PTPRT: variants seen among roughly 807,000 people sequenced by gnomAD.
PTPRT encodes protein tyrosine phosphatase receptor type T, also known as receptor-type tyrosine-protein phosphatase T.
In PTPRT, 56 loss-of-function variants were observed where a neutral mutation model predicts 176.8. The observed-to-expected ratio is 0.32, with a 90% CI of 0.26 to 0.40. The LOEUF is 0.40. Ranked by LOEUF, PTPRT falls within the 10% of genes least tolerant of loss-of-function variation. PTPRT has a pLI of 1.00. For synonymous variants in PTPRT, 783 were observed against 739.0 expected, an observed-to-expected ratio of 1.06 and a Z score of -0.96; for missense variants, 1,540 against 1,908.2, an observed-to-expected ratio of 0.81 and a Z score of 3.60.
At chr20:42,584,853 C>T (rs1254657564) in intron 7 of PTPRT, among the ~76,000 whole-genome samples, 1 of 152,096 alleles carries the variant, frequency 6.6e-6, no homozygotes, top group East Asian at 1.9e-4. Context: ...AGAAATCTCT[C>T]TATTCATTTC....
chr20:42,290,305 A>G (rs2057297929), intron 12 of PTPRT, among the ~76,000 whole-genome samples: 1 of 151,922 alleles, frequency 6.6e-6, no homozygotes, highest in African/African-American at 2.4e-5. Flanking sequence ...TCCACTTCCC[A>G]CTCCAGATTA....
At chr20:43,036,741 A>G (rs1484105728) in intron 1 of PTPRT, among the ~76,000 whole-genome samples, 1 of 152,220 alleles carries the variant, frequency 6.6e-6, no homozygotes, top group African/African-American at 2.4e-5. Flanking sequence ...ATTACAGACT[A>G]GGTAGGAAGA....
the PTPRT span, among the ~76,000 whole-genome samples, chr20:42,038,770 C>T: frequency 1.3e-5 from 2 of 152,162 alleles, no homozygotes; most frequent in Non-Finnish European, 2.9e-5. Context: ...GAGTGGGAGC[C>T]AGGTGAGTAG....
chr20:42,253,466 C>A (rs755784914), intron 13 of PTPRT, among the ~76,000 whole-genome samples: 4 of 152,120 alleles, frequency 2.6e-5, no homozygotes, highest in Admixed American at 6.5e-5. Context: ...TAGTATCAGC[C>A]TTAGTCCCTA....
Position 42,105,067 on chromosome 20 carries a change from T to C in PTPRT, c.3391-349A>G, listed in dbSNP as rs542559988. On this transcript the variant is annotated intron_variant, in intron 24 of 30. Transcript: ENST00000373187. ...CTTGCTGCAAACACCTGTGATTGTCTGCTGAAGGCAGAGGGGATACTTGGG... is the reference window on the plus strand; with the variant it reads ...CTTGCTGCAAACACCTGTGATTGTCCGCTGAAGGCAGAGGGGATACTTGGG... 5.3e-4 allele frequency among the ~76,000 whole-genome samples: 81 copies of C among 152,338 alleles called. 1 individual carries two copies. The South Asian group carries it at 0.017, about 31-fold the overall frequency.
At chr20:42,947,854 G>A (rs559004642) in intron 1 of PTPRT, among the ~76,000 whole-genome samples, 1 of 152,060 alleles carries the variant, frequency 6.6e-6, no homozygotes, top group South Asian at 2.1e-4. Flanking sequence ...TGAATCTAAT[G>A]ACCACTCCTT....
At chr20:42,304,325 C>T (rs2057513755) in intron 12 of PTPRT, among the ~76,000 whole-genome samples, 1 of 152,094 alleles carries the variant, frequency 6.6e-6, no homozygotes, top group African/African-American at 2.4e-5. Flanking sequence ...GTGGATTCTG[C>T]TTGTTCTTTC....
intron 12 of PTPRT, among the ~76,000 whole-genome samples, chr20:42,306,429 C>G (rs75563848): frequency 7.9e-5 from 12 of 152,226 alleles, no homozygotes; most frequent in African/African-American, 2.9e-4. Context: ...GGCATGGAAC[C>G]TAGGCTCTGG....
At chr20:43,005,739 A>T (rs1164326514) in intron 1 of PTPRT, among the ~76,000 whole-genome samples, 1 of 152,246 alleles carries the variant, frequency 6.6e-6, no homozygotes, top group Non-Finnish European at 1.5e-5. Context: ...TGGTAAATGA[A>T]TAATTGAATG....
chr20:43,106,715 G>A (rs2012630425), intron 1 of PTPRT, among the ~76,000 whole-genome samples: 2 of 144,332 alleles, frequency 1.4e-5, no homozygotes, highest in South Asian at 4.4e-4. Context: ...AAAGAAGGAA[G>A]GGAGGGAGGG....
At chr20:42,196,429 A>C (rs571994277) in intron 16 of PTPRT, among the ~76,000 whole-genome samples, 4 of 152,232 alleles carry the variant, frequency 2.6e-5, no homozygotes, top group Non-Finnish European at 5.9e-5. Flanking sequence ...AGGGTAATTA[A>C]TATATTAATC....
intron 3 of PTPRT, among the ~76,000 whole-genome samples, chr20:42,782,942 C>A (rs1383831995): frequency 6.6e-6 from 1 of 152,128 alleles, no homozygotes; most frequent in East Asian, 1.9e-4. Flanking sequence ...ACTTTGACTA[C>A]TAATCGTATA....
rs116836614 is a variant in PTPRT, at chr20:42,655,996, A to G, written c.1153+21870T>C. ...AGAGGACACAGCCCTAAGAAATACC[A>G]TCAAGTGCAGAAATCAGAGATGAGA... On this transcript the variant is annotated intron_variant, in intron 7 of 30. Coordinates refer to ENST00000373187, the MANE Select transcript of PTPRT (RefSeq NM_007050.6). Among the ~76,000 whole-genome samples, 434 of 152,302 alleles carry G rather than the reference A, an allele frequency of 2.8e-3. 1 individual carries two copies. Among genetic ancestry groups the G allele is most frequent in the African/African-American group, 9.4e-3 (389 of 41,562 alleles).
chr20:42,387,853 G>T (rs1021105282), intron 9 of PTPRT, among the ~76,000 whole-genome samples: 1 of 149,702 alleles, frequency 6.7e-6, no homozygotes, highest in East Asian at 2.0e-4. Flanking sequence ...GTGCAATGGC[G>T]CAATCTTGGC....
chr20:42,981,625 C>G (rs1371542386), intron 1 of PTPRT, among the ~76,000 whole-genome samples: 3 of 152,212 alleles, frequency 2.0e-5, no homozygotes, highest in Non-Finnish European at 2.9e-5. Context: ...AGAGGGCAGC[C>G]TGCTGAACTC....
intron 27 of PTPRT, among the ~76,000 whole-genome samples, chr20:42,092,599 C>T (rs1415956252): frequency 6.6e-6 from 1 of 152,154 alleles, no homozygotes; most frequent in African/African-American, 2.4e-5. Flanking sequence ...CTGGTGGGGA[C>T]AGAAACAGAG....
intron 16 of PTPRT, among the ~76,000 whole-genome samples, chr20:42,197,873 G>A (rs528825026): frequency 6.6e-6 from 1 of 152,264 alleles, no homozygotes; most frequent in African/African-American, 2.4e-5. Flanking sequence ...ATTTTTGTAG[G>A]TTTAAACTAA....
At chr20:42,385,899 GGACATAGCAA>G (rs1220388847) in intron 9 of PTPRT, among the ~76,000 whole-genome samples, 1 of 152,090 alleles carries the variant, frequency 6.6e-6, no homozygotes, top group Non-Finnish European at 1.5e-5. Context: ...GATTTAGATG[GGACATAGCAA>G]GACCATATCA....
chr20:42,879,628 T>A (rs2078984207), intron 2 of PTPRT, among the ~76,000 whole-genome samples: 1 of 152,076 alleles, frequency 6.6e-6, no homozygotes, highest in Non-Finnish European at 1.5e-5. Context: ...ACATGAGCAG[T>A]TAGAGCAAGG....
Sources: gnomAD v4.1 joint callset for allele counts (sites outside exome capture counted in the v4.1 genomes callset) on GRCh38, gnomAD v4.1.1 for gene constraint, MANE v1.5 for transcripts, NCBI Gene and HGNC (gene_info 2026-07-23, HGNC 2026-07-21) for gene names.